Variants in TG observed in about 807,000 individuals in gnomAD.
The protein encoded by TG is thyroglobulin, also known as thyroid hormones.
TG carries 270 observed loss-of-function variants against 324.7 expected under a neutral mutation model. That is an observed-to-expected ratio of 0.83 (90% CI 0.75 to 0.92). TG has a LOEUF of 0.92. TG is among the 40% of genes least tolerant of loss of function. The probability of loss-of-function intolerance (pLI) is 0.00; values close to 1 mark genes in which losing one functional copy is unlikely to be tolerated. For missense variants in TG, 3,591 were observed against 3,456.4 expected (o/e 1.04, Z -0.98); for synonymous variants, 1,401 against 1,327.0 (o/e 1.06, Z -1.21).
intron 16 of TG, among the ~76,000 whole-genome samples, 161 bp from the exon 17 acceptor site, chr8:132,906,527 G>T (rs1407194687): frequency 6.6e-6 from 1 of 152,086 alleles, no homozygotes; most frequent in African/African-American, 2.4e-5. Flanking sequence ...CAGAGAGAAA[G>T]GGGAGCAGGC....
In TG at chr8:132,923,397, C is replaced by A; in HGVS notation, c.4588C>A (p.Arg1530=). 1 of 1,614,040 alleles carries A rather than the reference C, an allele frequency of 6.2e-7. No homozygotes were observed. The highest frequency in any genetic ancestry group is 8.5e-7 in the Non-Finnish European group (1 of 1,180,008). ...GCAATGTGACCAGAATGGCCAGTAT[C>A]GAGCCAGCCAGAAGGACAGGGGCAG... ...GLQCDQNGQY[R]ASQKDRGSGK... is the part of the protein sequence containing the mutation. The change falls in exon 22 of 48, where the codon CGA becomes AGA. Residue 1530 remains arginine (R), a synonymous_variant. Coordinates refer to ENST00000220616, the MANE Select transcript of TG (RefSeq NM_003235.5).
rs928145204 is a variant in TG at position 133,018,081 on chromosome 8, G to T, written c.6782+84G>T. ...TCTATCCAAATGGGACTCAGTAGCAGAGCAGTGCATTTTGGATAAAGCAAT... is the reference window on the plus strand; with the variant it reads ...TCTATCCAAATGGGACTCAGTAGCATAGCAGTGCATTTTGGATAAAGCAAT... On this transcript the variant is annotated intron_variant, in intron 38 of 47. Transcript: ENST00000220616. 275 of 1,348,558 alleles carry T rather than the reference G, an allele frequency of 2.0e-4. 8 individuals are homozygous for T. The Middle Eastern group carries it at 7.9e-3, about 39-fold the overall frequency. 83.5% of individuals were successfully genotyped at this position (1,348,558 alleles called of 1,614,324 possible).
chr8:132,897,705 G>C lies in TG; in HGVS notation c.3058G>C (p.Ala1020Pro). The C allele has an allele frequency of 1.9e-6, 3 of 1,614,156 alleles. No individual in the cohort carries two copies. The highest frequency in any genetic ancestry group is 2.5e-6 in the Non-Finnish European group (3 of 1,180,026). The part of the protein sequence containing the change: ...FSPDDSAGAS[A>P]LLRSGPYMPQ... ...CCCGGACGACTCGGCTGGAGCATCC[G>C]CCCTTCTGCGGTCGGGCCCCTACAT... Residue 1020 changes from alanine to proline, a missense_variant, in exon 12 of 48, where the codon GCC (alanine) becomes CCC (proline). Physicochemically the swap from Ala to Pro is conservative, Grantham distance 27. Transcript: ENST00000220616.
At chr8:132,884,353 T>A (rs945887643) in intron 8 of TG, among the ~76,000 whole-genome samples, 4 of 152,158 alleles carry the variant, frequency 2.6e-5, no homozygotes, top group African/African-American at 9.7e-5. Flanking sequence ...TTTTGAAGGA[T>A]GTTATGATGA....
chr8:132,942,598 G>A (rs934630175), intron 26 of TG, among the ~76,000 whole-genome samples: 1 of 152,228 alleles, frequency 6.6e-6, no homozygotes, highest in African/African-American at 2.4e-5. Context: ...GGTCTGGTGG[G>A]AGAGGCAGTG....
chr8:133,034,754 A>T (rs1318828604), intron 41 of TG, among the ~76,000 whole-genome samples: 1 of 151,928 alleles, frequency 6.6e-6, no homozygotes, highest in Non-Finnish European at 1.5e-5. Flanking sequence ...TTTCTCTGCC[A>T]TTTCTTAAGG....
Position 132,882,587 on chromosome 8 carries a change from A to G in TG, c.864A>G (p.Gln288=), listed in dbSNP as rs781406485. The part of the protein sequence containing the change: ...RILQRRFLAV[Q]SVISGRFRCP... ...TGCAGAGACGGTTCCTCGCAGTTCA[A>G]TCAGTCATCTCTGGCAGATTCCGAT... is the stretch of plus-strand genomic sequence containing the variant. The change falls in exon 7 of 48, where the codon CAA becomes CAG. Residue 288 remains glutamine (Q), a synonymous_variant. Transcript: ENST00000220616. The G allele has an allele frequency of 3.1e-6, 5 of 1,614,228 alleles. No homozygotes were observed. Among genetic ancestry groups the G allele is most frequent in the Admixed American group, 3.3e-5 (2 of 60,024 alleles).
intron 45 of TG, 33 bp downstream of exon 45, chr8:133,116,749 G>A: frequency 6.3e-7 from 1 of 1,581,906 alleles, no homozygotes. Flanking sequence ...AGAAAGGAAG[G>A]TAAAACCGAA....
In TG at chr8:132,969,260, C is replaced by T. The variant is rs2687809; in HGVS notation, c.5864-198C>T. On this transcript the variant is annotated intron_variant, in intron 31 of 47. Coordinates refer to ENST00000220616, the MANE Select transcript of TG (RefSeq NM_003235.5). The stretch of plus-strand genomic sequence containing the variant: ...CCAACATTTTGTTGCTGTGTCTCCA[C>T]TTTTTTAAAAAAAATCTTTGTCCCT... Among the ~76,000 whole-genome samples, 66,133 of 151,778 alleles carry T rather than the reference C, an allele frequency of 0.44. 15,551 individuals carry two copies. The highest frequency in any genetic ancestry group is 0.61 in the African/African-American group (25,383 of 41,326).
chr8:133,044,977 C>G, intron 41 of TG: 1 of 1,614,124 alleles, frequency 6.2e-7, no homozygotes, highest in Non-Finnish European at 8.5e-7. Flanking sequence ...TATTGTATGT[C>G]TCTTACCAGA....
chr8:133,010,984 T>C (rs1236783675), intron 35 of TG, among the ~76,000 whole-genome samples: 2 of 152,180 alleles, frequency 1.3e-5, no homozygotes, highest in Non-Finnish European at 2.9e-5. Flanking sequence ...TTTTAACCTC[T>C]TGTGTCTTAT....
chr8:132,920,827 T>C lies in TG; in HGVS notation c.4528+1302T>C, dbSNP rs150919615. On this transcript the variant is annotated intron_variant, in intron 21 of 47. Coordinates refer to ENST00000220616, the MANE Select transcript of TG (RefSeq NM_003235.5). ...TTCTGAATGTCAGCTCCCTCCTGTA[T>C]TGGGTGGAGCCAATGATAACTCACT... is the stretch of plus-strand genomic sequence containing the variant. Among the ~76,000 whole-genome samples, 447 of 152,328 alleles carry C rather than the reference T, an allele frequency of 2.9e-3. 4 individuals are homozygous for C. The highest frequency in any genetic ancestry group is 0.01 in the African/African-American group (419 of 41,580).
intron 41 of TG, among the ~76,000 whole-genome samples, chr8:133,060,660 C>A (rs2131331597): frequency 6.6e-6 from 1 of 152,300 alleles, no homozygotes; most frequent in African/African-American, 2.4e-5. Flanking sequence ...TACTTTTTGT[C>A]ATCCTTTTGA....
At chr8:133,023,268 A>G (rs962187595) in intron 40 of TG, among the ~76,000 whole-genome samples, 1 of 152,198 alleles carries the variant, frequency 6.6e-6, no homozygotes, top group African/African-American at 2.4e-5. Context: ...ACAAATAACA[A>G]CCAGATGTCT....
intron 25 of TG, among the ~76,000 whole-genome samples, chr8:132,936,295 G>A (rs1178098323): frequency 6.6e-6 from 1 of 152,152 alleles, no homozygotes; most frequent in African/African-American, 2.4e-5. Context: ...CTGGGTGCCG[G>A]GCTCCCAGCA....
chr8:133,064,433 G>A (rs1842793998), intron 41 of TG, among the ~76,000 whole-genome samples: 1 of 152,230 alleles, frequency 6.6e-6, no homozygotes, highest in Non-Finnish European at 1.5e-5. Context: ...AATCTTACAA[G>A]CATTCCCAAG....
Position 133,022,039 on chromosome 8 carries a change from G to A in TG, c.6925G>A (p.Glu2309Lys). The change falls in exon 40 of 48, where the codon GAG becomes AAG. Residue 2309 changes from glutamate (E) to lysine (K), a missense_variant. Physicochemically the swap from Glu to Lys is moderately conservative, Grantham distance 56 (BLOSUM62 1). Transcript: ENST00000220616. Reference protein sequence around the residue: ...LVFFHNTMDREESEGWPAIDG... With the variant: ...LVFFHNTMDRKESEGWPAIDG... Reference sequence around the variant, plus strand: ...GTTCTTCCACAACACCATGGACAGGGAGGAGAGTGAAGGATGGCCGGCTAT... The same window carrying A: ...GTTCTTCCACAACACCATGGACAGGAAGGAGAGTGAAGGATGGCCGGCTAT... 6.2e-7 allele frequency: 1 copy of A among 1,614,206 alleles called. No individual in the cohort carries two copies. The highest frequency in any genetic ancestry group is 1.7e-5 in the Admixed American group (1 of 60,030).
intron 28 of TG, 51 bp from the exon 29 acceptor site, chr8:132,962,943 A>C: frequency 1.3e-6 from 2 of 1,538,576 alleles, no homozygotes; most frequent in Non-Finnish European, 1.8e-6. Flanking sequence ...TGACCAGTGG[A>C]GTACTACCCA....
intron 43 of TG, among the ~76,000 whole-genome samples, chr8:133,102,165 T>C (rs1345549064): frequency 6.6e-6 from 1 of 152,246 alleles, no homozygotes; most frequent in East Asian, 1.9e-4. Flanking sequence ...CAGATAATTA[T>C]ACACAGAAAG....
Sources: gnomAD v4.1 joint callset for allele counts (sites outside exome capture counted in the v4.1 genomes callset) on GRCh38, gnomAD v4.1.1 for gene constraint, MANE v1.5 for transcripts, NCBI Gene and HGNC (gene_info 2026-07-23, HGNC 2026-07-21) for gene names.